The following MOB1B variants were observed in gnomAD, a reference collection of about 807,000 sequenced individuals.
MOB1B encodes MOB kinase activator 1B.
MOB1B carries 19 observed loss-of-function variants against 24.4 expected under a neutral mutation model. That is an observed-to-expected ratio of 0.78 (90% CI 0.54 to 1.14). MOB1B has a LOEUF of 1.14. MOB1B is among the 50% of genes most tolerant of loss of function. The pLI is 0.00. For missense variants in MOB1B, 243 were observed against 259.6 expected (o/e 0.94, Z 0.44); for synonymous variants, 76 against 82.1 (o/e 0.93, Z 0.40).
chr4:70,923,157 A>C (rs1736503961), intron 1 of MOB1B, among the ~76,000 whole-genome samples: 2 of 152,174 alleles, frequency 1.3e-5, no homozygotes, highest in South Asian at 4.1e-4. Flanking sequence ...CCCATTAAAC[A>C]GTAAGCTCCA....
chr4:70,980,741 TTTC>T (rs1739177414), intron 5 of MOB1B, among the ~76,000 whole-genome samples: 1 of 152,198 alleles, frequency 6.6e-6, no homozygotes, highest in African/African-American at 2.4e-5. Flanking sequence ...CCAAAATGTA[TTTC>T]CAGGGTCTCC....
chr4:70,963,102 GACCACATATATGGTAAAGGAC>G (rs1398326003), intron 2 of MOB1B, among the ~76,000 whole-genome samples: 1 of 152,178 alleles, frequency 6.6e-6, no homozygotes, highest in Non-Finnish European at 1.5e-5. Context: ...AATCTTTGCA[GACCACATATATGGTAAAGGAC>G]CTGTATCCAA....
intron 3 of MOB1B, 39 bp from the exon 4 acceptor site, chr4:70,975,114 A>G (rs1350777394): frequency 1.3e-6 from 2 of 1,534,122 alleles, no homozygotes; most frequent in Non-Finnish European, 1.8e-6. Context: ...GTATAGGTAT[A>G]TACTAATCTT....
intron 1 of MOB1B, among the ~76,000 whole-genome samples, chr4:70,944,033 C>A (rs1737468895): frequency 6.6e-6 from 1 of 151,916 alleles, no homozygotes; most frequent in African/African-American, 2.4e-5. Context: ...ATTTTTATGG[C>A]AACTGCTAGA....
At chr4:70,935,984 T>C (rs537494979) in intron 1 of MOB1B, among the ~76,000 whole-genome samples, 1 of 151,502 alleles carries the variant, frequency 6.6e-6, no homozygotes, top group African/African-American at 2.4e-5. Flanking sequence ...CCCAAGTAGC[T>C]GGGACTACAG....
At chr4:70,969,185 G>A (rs1738656683) in intron 2 of MOB1B, among the ~76,000 whole-genome samples, 1 of 152,174 alleles carries the variant, frequency 6.6e-6, no homozygotes, top group Non-Finnish European at 1.5e-5. Flanking sequence ...AGGCTGAAGT[G>A]CAGTAATGTG....
chr4:70,952,642 C>CAAA (rs541028817), intron 1 of MOB1B, among the ~76,000 whole-genome samples: 6 of 53,990 alleles, frequency 1.1e-4, no homozygotes, highest in Admixed American at 2.1e-4. Flanking sequence ...GACGCCGTCT[C>CAAA]AAAAAAAAAA....
intron 2 of MOB1B, among the ~76,000 whole-genome samples, chr4:70,966,643 G>A (rs1380229930): frequency 6.6e-6 from 1 of 151,916 alleles, no homozygotes; most frequent in African/African-American, 2.4e-5. Flanking sequence ...CAAAGTGCTG[G>A]GATTACAGGC....
intron 1 of MOB1B, among the ~76,000 whole-genome samples, chr4:70,912,917 C>T (rs1736052803): frequency 6.6e-6 from 1 of 152,174 alleles, no homozygotes; most frequent in Admixed American, 6.5e-5. Context: ...TGTTCTACCA[C>T]ACCCGGCTAA....
At chr4:70,938,654 C>T (rs1175996070) in intron 1 of MOB1B, among the ~76,000 whole-genome samples, 2 of 151,820 alleles carry the variant, frequency 1.3e-5, no homozygotes, top group African/African-American at 4.8e-5. Context: ...GGTAAAAATC[C>T]TGTTGTATTT....
intron 2 of MOB1B, among the ~76,000 whole-genome samples, chr4:70,964,790 C>T (rs771419838): frequency 2.0e-5 from 3 of 151,266 alleles, no homozygotes; most frequent in Admixed American, 6.6e-5. Flanking sequence ...ATTAGCTGGG[C>T]GTGGTTGGGG....
intron 4 of MOB1B, chr4:70,976,354 A>G: frequency 1.0e-6 from 1 of 985,262 alleles, no homozygotes; most frequent in African/African-American, 1.7e-5. Flanking sequence ...TTTGTGATCA[A>G]AAGGGAGTTT....
chr4:70,946,124 G>T (rs1455809362), intron 1 of MOB1B, among the ~76,000 whole-genome samples: 3 of 147,672 alleles, frequency 2.0e-5, no homozygotes, highest in Non-Finnish European at 3.0e-5. Flanking sequence ...GTTTAAGTAG[G>T]GCAGGACTAT....
chr4:70,972,019 T>G (rs545991070), intron 3 of MOB1B, among the ~76,000 whole-genome samples: 360 of 151,196 alleles, frequency 2.4e-3, no homozygotes, highest in African/African-American at 6.8e-3. Context: ...TTTTTTTTTT[T>G]GGGGAGAATC....
At chr4:70,937,610 C>T (rs1324012017) in intron 1 of MOB1B, among the ~76,000 whole-genome samples, 1 of 151,652 alleles carries the variant, frequency 6.6e-6, no homozygotes, top group Non-Finnish European at 1.5e-5. Flanking sequence ...CTCCCAAGTT[C>T]AAGTGATTCT....
chr4:70,960,946 TTCTC>T (rs1738278384), intron 2 of MOB1B, among the ~76,000 whole-genome samples: 1 of 152,220 alleles, frequency 6.6e-6, no homozygotes, highest in African/African-American at 2.4e-5. Flanking sequence ...TTCTGTCTCT[TTCTC>T]AGTTGCCACA....
intron 2 of MOB1B, among the ~76,000 whole-genome samples, chr4:70,968,926 G>A (rs926986324): frequency 2.0e-5 from 3 of 152,060 alleles, no homozygotes; most frequent in African/African-American, 7.2e-5. Flanking sequence ...GCCTGGCCAG[G>A]TTTTATTTTT....
chr4:70,929,157 TTTC>T, intron 1 of MOB1B, among the ~76,000 whole-genome samples: 1 of 150,252 alleles, frequency 6.7e-6, no homozygotes, highest in East Asian at 2.0e-4. Context: ...CTGTATTTCT[TTTC>T]TTCTTTTTCT....
At position 70,983,404 on chromosome 4, in the gene MOB1B, G is replaced by A. The variant is rs1057188858; in HGVS notation, c.*1347G>A. 19 of 152,270 alleles carry A rather than the reference G, an allele frequency of 1.2e-4. No homozygotes were observed. Among genetic ancestry groups the A allele is most frequent in the Admixed American group, 5.2e-4 (8 of 15,254 alleles). The allele number at this position is 152,270 out of a possible 1,614,324, so 9.4% of individuals were successfully genotyped here. On this transcript the variant is annotated 3_prime_UTR_variant, in exon 6 of 6. Transcript: ENST00000309395. The stretch of plus-strand genomic sequence containing the variant: ...AGTTATTAACTTCTAAATTTTATTC[G>A]CCATGACTTTCTAGTGAATTATTAC...
Sources: gnomAD v4.1 joint callset for allele counts (sites outside exome capture counted in the v4.1 genomes callset) on GRCh38, gnomAD v4.1.1 for gene constraint, MANE v1.5 for transcripts, NCBI Gene and HGNC (gene_info 2026-07-23, HGNC 2026-07-21) for gene names.